ZNF549: variants seen among roughly 807,000 people sequenced by gnomAD.
ZNF549 encodes the protein zinc finger protein 549.
In ZNF549, 11 loss-of-function variants were observed where a neutral mutation model predicts 11.1. The ratio of observed to expected loss-of-function variants is 0.99; its 90% confidence interval spans 0.62 to 1.64. The LOEUF is 1.64. Among genes scored for constraint, ZNF549 ranks in the 40% most tolerant of loss-of-function variants. ZNF549 has a pLI of 0.00. For synonymous variants in ZNF549, 266 were observed against 269.1 expected (o/e 0.99, Z 0.11); for missense variants, 748 against 765.1 (o/e 0.98, Z 0.26).
intron 1 of ZNF549, among the ~76,000 whole-genome samples, chr19:57,528,218 G>C (rs2089887866): frequency 6.6e-6 from 1 of 152,168 alleles, no homozygotes; most frequent in African/African-American, 2.4e-5. Flanking sequence ...AGCAAAAGTG[G>C]GAGTGAAGTA....
intron 1 of ZNF549, 80 bp downstream of exon 1, chr19:57,527,686 G>C (rs1407900725): frequency 7.8e-6 from 12 of 1,540,078 alleles, no homozygotes; most frequent in Non-Finnish European, 1.1e-5. Context: ...CTGCAGTTCA[G>C]GCCTCTTCTC....
chr19:57,527,991 AAAT>A (rs1231104637), intron 1 of ZNF549, among the ~76,000 whole-genome samples: 1 of 152,150 alleles, frequency 6.6e-6, no homozygotes, highest in Non-Finnish European at 1.5e-5. Flanking sequence ...GGGTCTGAAA[AAAT>A]ATTTCAAAGG....
rs747398295 is a variant in ZNF549 at position 57,537,904 on chromosome 19, A to G, written c.900A>G (p.Arg300=). ...GGCACCAGCAGAGAATTCACACTAG[A>G]GAAAGGTCTTATGTGTGCATCGAAT... ...LVGHQQRIHT[R]ERSYVCIECG... The change falls in exon 4 of 4, where the codon AGA becomes AGG. Residue 300 remains arginine (R), a synonymous_variant. Coordinates refer to ENST00000376233, the MANE Select transcript of ZNF549 (RefSeq NM_001199295.2). The G allele has an allele frequency of 3.7e-6, 6 of 1,613,770 alleles. No individual in the cohort carries two copies. The highest frequency in any genetic ancestry group is 5.1e-6 in the Non-Finnish European group (6 of 1,179,874).
rs527605523 is a variant in ZNF549 at position 57,537,633 on chromosome 19, C to G, written c.629C>G (p.Ala210Gly). 6.2e-7 allele frequency: 1 copy of G among 1,614,154 alleles called. No individual in the cohort carries two copies. The change falls in exon 4 of 4, where the codon GCA (alanine) becomes GGA (glycine). Residue 210 changes from alanine (A) to glycine (G), a missense_variant. By Grantham distance (60) the Ala-to-Gly change is moderately conservative. Coordinates refer to ENST00000376233, the MANE Select transcript of ZNF549 (RefSeq NM_001199295.2). ...ACCACCCACAGCAGACAAGAGTATG[C>G]ACATAGAAGCAGGGAGACCTTTCAA... ...HQTTHSRQEY[A>G]HRSRETFQQR...
In ZNF549 at chr19:57,527,455, C is replaced by T; in HGVS notation, c.-119C>T. ...CGGAAACCGGTGGAGGTGGTGTCCG[C>T]CCGCAGAGGAGCTTGCCTGGTCTCG... On this transcript the variant is annotated 5_prime_UTR_variant, in exon 1 of 4. Transcript: ENST00000376233. The T allele has an allele frequency of 7.1e-7, 1 of 1,411,776 alleles. No individual in the cohort carries two copies. Among genetic ancestry groups the T allele is most frequent in the African/African-American group, 1.4e-5 (1 of 70,036 alleles). 87.5% of individuals were successfully genotyped at this position (1,411,776 alleles called of 1,614,324 possible).
At chr19:57,531,753 A>G (rs183465004) in intron 2 of ZNF549, among the ~76,000 whole-genome samples, 55 of 152,364 alleles carry the variant, frequency 3.6e-4, no homozygotes, top group Admixed American at 3.1e-3. Flanking sequence ...TCATGGATCT[A>G]TTGGACAAAC....
Position 57,537,385 on chromosome 19 carries a change from C to T in ZNF549, c.381C>T (p.Pro127=), listed in dbSNP as rs2089929885. ...LYLSEHQGTL[P]WQKPYTSVAS... Reference sequence around the variant, plus strand: ...TCAGTGAGCATCAGGGGACACTTCCCTGGCAGAAACCTTATACGTCTGTGG... The same window carrying T: ...TCAGTGAGCATCAGGGGACACTTCCTTGGCAGAAACCTTATACGTCTGTGG... Residue 127 remains proline, a synonymous_variant, in exon 4 of 4, where the codon CCC becomes CCT. Coordinates refer to ENST00000376233, the MANE Select transcript of ZNF549 (RefSeq NM_001199295.2). 2.5e-6 allele frequency: 4 copies of T among 1,614,166 alleles called. No individual in the cohort carries two copies. The highest frequency in any genetic ancestry group is 3.4e-6 in the Non-Finnish European group (4 of 1,180,036).
rs1485631045 is a variant in ZNF549, at chr19:57,537,280, G to T, written c.276G>T (p.Arg92Ser). The part of the protein sequence containing the change: ...TLSAQGVSQA[R>S]TPKLGPSIPN... ...CTGCGCAAGGAGTGTCACAGGCCAGGACTCCAAAGCTAGGTCCTTCCATCC... is the reference window on the plus strand; with the variant it reads ...CTGCGCAAGGAGTGTCACAGGCCAGTACTCCAAAGCTAGGTCCTTCCATCC... The change falls in exon 4 of 4, where the codon AGG becomes AGT. Residue 92 changes from arginine (R) to serine (S), a missense_variant. Transcript: ENST00000376233. 3 of 1,614,102 alleles carry T rather than the reference G, an allele frequency of 1.9e-6. No homozygotes were observed. In the African/African-American group the frequency reaches 4.0e-5, roughly 22 times the overall value.
chr19:57,538,294 A>G lies in ZNF549; in HGVS notation c.1290A>G (p.Lys430=). The change falls in exon 4 of 4, where the codon AAA becomes AAG. Residue 430 remains lysine, a synonymous_variant. Transcript: ENST00000376233. ...KECGKAFIHK[K]RLLEHQRIHT... The stretch of plus-strand genomic sequence containing the variant: ...GTGGGAAGGCCTTCATTCACAAAAA[A>G]AGACTTCTTGAGCACCAGAGAATTC... 6.2e-7 allele frequency: 1 copy of G among 1,613,260 alleles called. No individual in the cohort carries two copies. The highest frequency in any genetic ancestry group is 8.5e-7 in the Non-Finnish European group (1 of 1,179,770).
Position 57,537,467 on chromosome 19 carries a change from A to G in ZNF549, c.463A>G (p.Ser155Gly). 1.9e-6 allele frequency: 3 copies of G among 1,614,264 alleles called. No individual in the cohort carries two copies. The highest frequency in any genetic ancestry group is 1.3e-5 in the African/African-American group (1 of 75,072). The change falls in exon 4 of 4, where the codon AGT (serine) becomes GGT (glycine). Residue 155 changes from serine to glycine, a missense_variant. By Grantham distance (56) the Ser-to-Gly change is moderately conservative. Coordinates refer to ENST00000376233, the MANE Select transcript of ZNF549 (RefSeq NM_001199295.2). ...CCTGCAACAGCACCAGAACCAGGAC[A>G]GTGGAGAGAAACACATCAGAAAGGA... ...SNLQQHQNQDSGEKHIRKEES... is the reference protein window; with the variant it reads ...SNLQQHQNQDGGEKHIRKEES...
rs1480301995 is a variant in ZNF549 at position 57,540,836 on chromosome 19, TATTTC to T, written c.*1913_*1917del. On this transcript the variant is annotated 3_prime_UTR_variant, in exon 4 of 4. Transcript: ENST00000376233. ...CTATTTTGTGTGTTTTCATTCACCT[TATTTC>T]ATTCAGTCTTCCAAATGAAATGTTC... 1 of 152,236 alleles carries T rather than the reference TATTTC, an allele frequency of 6.6e-6. No homozygotes were observed. Among genetic ancestry groups the T allele is most frequent in the Non-Finnish European group, 1.5e-5 (1 of 68,036 alleles). The allele number at this position is 152,236 out of a possible 1,614,324, so 9.4% of individuals were successfully genotyped here.
chr19:57,532,994 G>A (rs774037609), intron 2 of ZNF549, among the ~76,000 whole-genome samples: 22 of 152,098 alleles, frequency 1.4e-4, no homozygotes, highest in Non-Finnish European at 2.4e-4. Flanking sequence ...ACAGGCGCCC[G>A]CCACCACGCC....
chr19:57,528,848 C>T lies in ZNF549; in HGVS notation c.33+1242C>T, dbSNP rs544021405. ...AATTAGTTAACCGAATAAAATGTCA[C>T]TATAACTCTGTGCTCTAATAAAAAA... is the stretch of plus-strand genomic sequence containing the variant. On this transcript the variant is annotated intron_variant, in intron 1 of 3. Transcript: ENST00000376233. 5.3e-5 allele frequency among the ~76,000 whole-genome samples: 8 copies of T among 152,336 alleles called. No homozygotes were observed. The South Asian group carries it at 1.7e-3, about 32-fold the overall frequency.
Position 57,537,403 on chromosome 19 carries a change from G to T in ZNF549, c.399G>T (p.Thr133=). The change falls in exon 4 of 4, where the codon ACG becomes ACT. Residue 133 remains threonine (T), a synonymous_variant. Coordinates refer to ENST00000376233, the MANE Select transcript of ZNF549 (RefSeq NM_001199295.2). Reference sequence around the variant, plus strand: ...CACTTCCCTGGCAGAAACCTTATACGTCTGTGGCCAGTGGGAAATGGTTTT... The same window carrying T: ...CACTTCCCTGGCAGAAACCTTATACTTCTGTGGCCAGTGGGAAATGGTTTT... ...QGTLPWQKPY[T]SVASGKWFSF... The T allele has an allele frequency of 6.2e-7, 1 of 1,614,182 alleles. No homozygotes were observed. The highest frequency in any genetic ancestry group is 8.5e-7 in the Non-Finnish European group (1 of 1,180,036).
chr19:57,529,901 A>T (rs907956612), intron 1 of ZNF549, among the ~76,000 whole-genome samples: 39 of 151,916 alleles, frequency 2.6e-4, no homozygotes, highest in African/African-American at 6.5e-4. Flanking sequence ...ATAAATAAAT[A>T]AAATAAATAA....
chr19:57,538,616 T>G lies in ZNF549; in HGVS notation c.1612T>G (p.Phe538Val). 1.9e-6 allele frequency: 3 copies of G among 1,614,156 alleles called. No homozygotes were observed. The highest frequency in any genetic ancestry group is 2.5e-6 in the Non-Finnish European group (3 of 1,180,032). The change falls in exon 4 of 4, where the codon TTC (phenylalanine) becomes GTC (valine). Residue 538 changes from phenylalanine to valine, a missense_variant. Phe to Val is a conservative substitution (Grantham distance 50, BLOSUM62 -1). Coordinates refer to ENST00000376233, the MANE Select transcript of ZNF549 (RefSeq NM_001199295.2). ...LCECNECGKV[F>V]SHQKRLLEHQ... ...TGAGTGCAATGAATGTGGAAAAGTC[T>G]TCAGCCACCAAAAAAGACTTCTTGA...
At position 57,538,470 on chromosome 19, in the gene ZNF549, T is replaced by C. The variant is rs2089938502; in HGVS notation, c.1466T>C (p.Leu489Pro). The change falls in exon 4 of 4, where the codon CTT (leucine) becomes CCT (proline). Residue 489 changes from leucine (L) to proline (P), a missense_variant. Physicochemically the swap from Leu to Pro is moderately conservative, Grantham distance 98. Coordinates refer to ENST00000376233, the MANE Select transcript of ZNF549 (RefSeq NM_001199295.2). ...GCCTTCATCTCCAAACAAACACTTCTTAAGCATCACAAAATCCACACTAGA... is the reference window on the plus strand; with the variant it reads ...GCCTTCATCTCCAAACAAACACTTCCTAAGCATCACAAAATCCACACTAGA... The part of the protein sequence containing the change: ...GKAFISKQTL[L>P]KHHKIHTRER... The C allele has an allele frequency of 1.2e-6, 2 of 1,614,140 alleles. No individual in the cohort carries two copies. The highest frequency in any genetic ancestry group is 8.5e-7 in the Non-Finnish European group (1 of 1,180,016).
chr19:57,530,037 G>A (rs1000516342), intron 1 of ZNF549, among the ~76,000 whole-genome samples: 1 of 152,146 alleles, frequency 6.6e-6, no homozygotes, highest in African/African-American at 2.4e-5. Flanking sequence ...CTGAAGTTGA[G>A]TGTGGGTAAC....
intron 1 of ZNF549, among the ~76,000 whole-genome samples, chr19:57,530,637 A>G (rs57112304): frequency 6.6e-6 from 1 of 152,150 alleles, no homozygotes; most frequent in Non-Finnish European, 1.5e-5. Context: ...CTGCAACTCC[A>G]GGTAGTTAGT....
Sources: allele counts gnomAD v4.1 joint callset (sites outside exome capture counted in the v4.1 genomes callset), GRCh38; gene constraint gnomAD v4.1.1; transcripts MANE v1.5; gene names NCBI Gene and HGNC (gene_info 2026-07-23, HGNC 2026-07-21).